HBS1L: variants seen among roughly 807,000 people sequenced by gnomAD.
The protein encoded by HBS1L is HBS1 like translational GTPase.
Under a neutral mutation model 88.9 loss-of-function variants are expected in HBS1L, and 55 were observed. The ratio of observed to expected loss-of-function variants is 0.62; its 90% CI spans 0.50 to 0.77. The LOEUF is 0.77. Ranked by LOEUF, HBS1L falls within the 30% of genes least tolerant of loss-of-function variation. HBS1L has a pLI of 0.00. For synonymous variants in HBS1L, 267 were observed against 288.5 expected, an observed-to-expected ratio of 0.93 and a Z score of 0.76; for missense variants, 741 against 829.3, an observed-to-expected ratio of 0.89 and a Z score of 1.31.
rs1397379752 is a variant in HBS1L at position 134,997,604 on chromosome 6, G to A, written c.592C>T (p.Pro198Ser). ...HSFHTPQKGP[P>S]IEDAIASSDV... ...GAAGAAGCAATGGCATCTTCAATGG[G>A]CGGTCCTTTTTGAGGTGTGTGGAAA... The change falls in exon 6 of 18, where the codon CCC (proline) becomes TCC (serine). Residue 198 changes from proline (P) to serine (S), a missense_variant. Physicochemically the swap from Pro to Ser is moderately conservative, Grantham distance 74. Around this residue, in one of 3 missense-constraint regions of HBS1L, gnomAD observed 556 missense variants for 598.4 expected, o/e 0.93. Coordinates refer to ENST00000367837, the MANE Select transcript of HBS1L (RefSeq NM_006620.4). The A allele has an allele frequency of 6.2e-6, 10 of 1,613,944 alleles. No homozygotes were observed. The highest frequency in any genetic ancestry group is 7.6e-6 in the Non-Finnish European group (9 of 1,179,862).
chr6:135,053,891 A>G (rs1777162467), intron 1 of HBS1L, among the ~76,000 whole-genome samples: 1 of 152,248 alleles, frequency 6.6e-6, no homozygotes, highest in Non-Finnish European at 1.5e-5. Flanking sequence ...GTTAACTCCT[A>G]CAGAACATTC....
At position 134,969,318 on chromosome 6, in the gene HBS1L, A is replaced by C; in HGVS notation, c.1818T>G (p.Thr606=). Residue 606 remains threonine, a synonymous_variant, in exon 16 of 18, where the codon ACT becomes ACG. Coordinates refer to ENST00000367837, the MANE Select transcript of HBS1L (RefSeq NM_006620.4). Reference sequence around the variant, plus strand: ...GTTTAATAACGGCGGGTTCACTGACAGTTTGGTAGTGTAACAGCACCTAAA... The same window carrying C: ...GTTTAATAACGGCGGGTTCACTGACCGTTTGGTAGTGTAACAGCACCTAAA... ...KGFPVLLHYQ[T]VSEPAVIKRL... is the part of the protein sequence containing the mutation. The C allele has an allele frequency of 6.2e-7, 1 of 1,612,888 alleles. No individual in the cohort carries two copies. Among genetic ancestry groups the C allele is most frequent in the Non-Finnish European group, 8.5e-7 (1 of 1,179,034 alleles).
At chr6:135,052,033 G>A (rs539895921) in intron 1 of HBS1L, among the ~76,000 whole-genome samples, 1 of 152,232 alleles carries the variant, frequency 6.6e-6, no homozygotes, top group South Asian at 2.1e-4. Flanking sequence ...ACCGGGAGTG[G>A]GGCAGCTAGG....
chr6:135,002,815 C>A lies in HBS1L; in HGVS notation c.458G>T (p.Arg153Leu), dbSNP rs139749814. ...KGKPVDSQTS[R>L]SESEIVPKVA... ...TTTTGGCACAATTTCAGATTCACTT[C>A]GCGATGTCTGGGAATCTACTGGTTT... Residue 153 changes from arginine (R) to leucine (L), a missense_variant, in exon 5 of 18, where the codon CGA becomes CTA. Coordinates refer to ENST00000367837, the MANE Select transcript of HBS1L (RefSeq NM_006620.4). 2 of 1,612,724 alleles carry A rather than the reference C, an allele frequency of 1.2e-6. No individual in the cohort carries two copies. The highest frequency in any genetic ancestry group is 2.2e-5 in the East Asian group (1 of 44,818).
At chr6:134,976,990 G>C (rs1313640725) in intron 15 of HBS1L, among the ~76,000 whole-genome samples, 1 of 151,766 alleles carries the variant, frequency 6.6e-6, no homozygotes, top group East Asian at 1.9e-4. Context: ...TACAAAATAG[G>C]GAAAATTTAA....
intron 4 of HBS1L, among the ~76,000 whole-genome samples, chr6:135,027,545 G>C (rs1776270222): frequency 6.6e-6 from 1 of 152,120 alleles, no homozygotes; most frequent in Non-Finnish European, 1.5e-5. Context: ...TCATAGGAAA[G>C]TAAGATATAA....
At chr6:135,044,066 G>C (rs971961896) in intron 2 of HBS1L, among the ~76,000 whole-genome samples, 1 of 152,098 alleles carries the variant, frequency 6.6e-6, no homozygotes, top group African/African-American at 2.4e-5. Context: ...TGTTTGGAGA[G>C]CCCTTACTGC....
chr6:135,031,837 T>C (rs1776392462), intron 4 of HBS1L, among the ~76,000 whole-genome samples: 2 of 143,664 alleles, frequency 1.4e-5, no homozygotes, highest in South Asian at 4.4e-4. Flanking sequence ...TTGTTTTTTC[T>C]TTTTTTTTTT....
At chr6:135,006,191 C>T (rs1480261404) in intron 4 of HBS1L, among the ~76,000 whole-genome samples, 1 of 152,098 alleles carries the variant, frequency 6.6e-6, no homozygotes, top group Non-Finnish European at 1.5e-5. Context: ...ATAATGAAAT[C>T]TAAGCTAATT....
chr6:135,045,793 C>A (rs780042513), intron 2 of HBS1L, among the ~76,000 whole-genome samples: 1 of 151,568 alleles, frequency 6.6e-6, no homozygotes, highest in Non-Finnish European at 1.5e-5. Flanking sequence ...GAGCCGAGAT[C>A]GTGCCACTGC....
chr6:134,971,600 T>C (rs1583057723), intron 15 of HBS1L, among the ~76,000 whole-genome samples: 1 of 152,140 alleles, frequency 6.6e-6, no homozygotes, highest in Non-Finnish European at 1.5e-5. Flanking sequence ...ATCTTGCAAA[T>C]AGTAGCTCAA....
chr6:135,041,949 TATTTGGTC>T (rs1776750546), intron 3 of HBS1L, 44 bp downstream of exon 3: 1 of 1,537,166 alleles, frequency 6.5e-7, no homozygotes, highest in South Asian at 1.1e-5. Flanking sequence ...AATTCTGGTG[TATTTGGTC>T]ATTAATCACT....
At position 135,054,773 on chromosome 6, in the gene HBS1L, G is replaced by C. The variant is rs1376700510; in HGVS notation, c.-82C>G. On this transcript the variant is annotated 5_prime_UTR_variant, in exon 1 of 18. Coordinates refer to ENST00000367837, the MANE Select transcript of HBS1L (RefSeq NM_006620.4). ...AGATACTGATAAGGCGCCAACTGCA[G>C]CCTGGAGAACCCCTATGCGCCATCT... is the stretch of plus-strand genomic sequence containing the variant. 3 of 1,539,528 alleles carry C rather than the reference G, an allele frequency of 1.9e-6. No individual in the cohort carries two copies. The highest frequency in any genetic ancestry group is 2.7e-5 in the African/African-American group (2 of 73,372).
intron 4 of HBS1L, chr6:135,027,237 A>G: frequency 6.6e-6 from 1 of 150,898 alleles, no homozygotes; most frequent in African/African-American, 2.4e-5. Context: ...AATAGCTAAC[A>G]GAAAAGTATT....
At chr6:135,053,210 T>C (rs1209599541) in intron 1 of HBS1L, among the ~76,000 whole-genome samples, 1 of 152,170 alleles carries the variant, frequency 6.6e-6, no homozygotes, top group Non-Finnish European at 1.5e-5. Flanking sequence ...TTCCCCCCAA[T>C]CCATTCTGAA....
rs1409092996 is a variant in HBS1L at position 135,054,684 on chromosome 6, C to A, written c.8G>T (p.Arg3Leu). The A allele has an allele frequency of 1.2e-6, 2 of 1,614,234 alleles. No homozygotes were observed. The highest frequency in any genetic ancestry group is 1.7e-5 in the Admixed American group (1 of 60,018). Reference sequence around the variant, plus strand: ...GTTATAGCCTCGAACATTCCGATGCCGGGCCATGACGGCGGAGAGGGCGTT... The same window carrying A: ...GTTATAGCCTCGAACATTCCGATGCAGGGCCATGACGGCGGAGAGGGCGTT... MA[R>L]HRNVRGYNYD... The change falls in exon 1 of 18, where the codon CGG becomes CTG. Residue 3 changes from arginine (R) to leucine (L), a missense_variant. Physicochemically the swap from Arg to Leu is moderately radical, Grantham distance 102. Around this residue, in one of 3 missense-constraint regions of HBS1L, gnomAD observed 556 missense variants for 598.4 expected, o/e 0.93. Transcript: ENST00000367837.
rs934253242 is a variant in HBS1L at position 134,960,947 on chromosome 6, T to A, written c.*4332A>T. ...TTACAAAATAGGAATATTTTGCAGATAGCATATCATTAGCTTTGCAGTTTG... is the reference window on the plus strand; with the variant it reads ...TTACAAAATAGGAATATTTTGCAGAAAGCATATCATTAGCTTTGCAGTTTG... On this transcript the variant is annotated 3_prime_UTR_variant, in exon 18 of 18. Transcript: ENST00000367837. The A allele has an allele frequency of 2.6e-5, 4 of 152,188 alleles. No individual in the cohort carries two copies. Among genetic ancestry groups the A allele is most frequent in the Admixed American group, 6.5e-5 (1 of 15,274 alleles). The allele number at this position is 152,188 out of a possible 1,614,324, so 9.4% of individuals were successfully genotyped here.
At position 134,974,531 on chromosome 6, in the gene HBS1L, T is replaced by A. The variant is rs1486717908; in HGVS notation, c.1797+4148A>T. On this transcript the variant is annotated intron_variant, in intron 15 of 17. Transcript: ENST00000367837. The stretch of plus-strand genomic sequence containing the variant: ...CCTAACAAAATACTAGCAAACCAAG[T>A]CCAACAGCATATCCAAAAGACATTT... 3.3e-5 allele frequency among the ~76,000 whole-genome samples: 5 copies of A among 151,784 alleles called. No homozygotes were observed. The East Asian group carries it at 7.8e-4, about 24-fold the overall frequency.
chr6:135,007,390 C>T (rs1418029629), intron 4 of HBS1L, among the ~76,000 whole-genome samples: 1 of 152,078 alleles, frequency 6.6e-6, no homozygotes, highest in Non-Finnish European at 1.5e-5. Flanking sequence ...AAATGTACCA[C>T]ACATATAAAA....
Sources: allele counts gnomAD v4.1 joint callset (sites outside exome capture counted in the v4.1 genomes callset), GRCh38; gene constraint gnomAD v4.1.1; regional missense constraint gnomAD v4.1.1; transcripts MANE v1.5; gene names NCBI Gene and HGNC (gene_info 2026-07-23, HGNC 2026-07-21).